STK3: variants seen among roughly 807,000 people sequenced by gnomAD.
STK3 encodes the protein serine/threonine kinase 3.
STK3 carries 41 observed loss-of-function variants against 58.0 expected under a neutral mutation model. That is an observed-to-expected ratio of 0.71 (90% CI 0.55 to 0.92). STK3 has a LOEUF of 0.92. Among genes scored for constraint, STK3 ranks in the 40% least tolerant of loss-of-function variants. The pLI is 0.00. For missense variants in STK3, 479 were observed against 602.7 expected, an observed-to-expected ratio of 0.79 and a Z score of 2.15; for synonymous variants, 170 against 191.0, an observed-to-expected ratio of 0.89 and a Z score of 0.91.
At chr8:98,544,842 C>T (rs999940472) in intron 9 of STK3, among the ~76,000 whole-genome samples, 19 of 152,120 alleles carry the variant, frequency 1.2e-4, no homozygotes, top group African/African-American at 4.1e-4. Flanking sequence ...CAGATACACA[C>T]ATGAAAAATA....
At chr8:98,771,115 C>T (rs1208007113) in intron 2 of STK3, among the ~76,000 whole-genome samples, 1 of 152,108 alleles carries the variant, frequency 6.6e-6, no homozygotes, top group Non-Finnish European at 1.5e-5. Flanking sequence ...GTATGTAGTT[C>T]CAAAATATAT....
chr8:98,414,891 C>T (rs570117626), intron 3 of STK3, among the ~76,000 whole-genome samples: 1 of 152,288 alleles, frequency 6.6e-6, no homozygotes, highest in South Asian at 2.1e-4. Context: ...GTGCCCAGTC[C>T]CTGAATCATC....
intron 1 of STK3, among the ~76,000 whole-genome samples, chr8:98,897,463 T>A (rs969057331): frequency 2.0e-5 from 3 of 151,522 alleles, no homozygotes; most frequent in East Asian, 4.1e-4. Flanking sequence ...CTCCGGAGGC[T>A]GAGGCAGGAG....
At chr8:98,377,884 TC>T (rs1408095230) in intron 2 of STK3, among the ~76,000 whole-genome samples, 8 of 152,218 alleles carry the variant, frequency 5.3e-5, no homozygotes, top group African/African-American at 1.7e-4. Flanking sequence ...GAAACGTGTT[TC>T]TTTAGCAGCT....
chr8:98,567,926 C>T (rs1249578257), intron 8 of STK3, among the ~76,000 whole-genome samples: 1 of 151,976 alleles, frequency 6.6e-6, no homozygotes, highest in Admixed American at 6.6e-5. Context: ...GGCATGGTGG[C>T]AGGCGCCTAT....
downstream of STK3, chr8:98,883,681 A>T (rs1414119533): frequency 2.8e-6 from 2 of 702,836 alleles, no homozygotes; most frequent in African/African-American, 3.5e-5. Context: ...TGTGTGCTCC[A>T]TTCTTTTTTC....
chr8:98,842,766 C>T (rs1022248323), intron 3 of STK3, among the ~76,000 whole-genome samples: 7 of 151,142 alleles, frequency 4.6e-5, no homozygotes, highest in Admixed American at 1.3e-4. Flanking sequence ...CTTGGTAGGC[C>T]GAGGCAGGTG....
chr8:98,872,686 T>A (rs1220073603), intron 3 of STK3, among the ~76,000 whole-genome samples: 1 of 152,334 alleles, frequency 6.6e-6, no homozygotes, highest in African/African-American at 2.4e-5. Context: ...GGTGGTGATA[T>A]CCTCTTTAAC....
chr8:98,914,492 A>ACTCTCT (rs201799011), intron 1 of STK3, among the ~76,000 whole-genome samples: 3 of 136,284 alleles, frequency 2.2e-5, no homozygotes, highest in Non-Finnish European at 5.0e-5. Flanking sequence ...ACACACACAC[A>ACTCTCT]CTCTCTCTCT....
chr8:98,567,958 T>C (rs1029419490), intron 8 of STK3, among the ~76,000 whole-genome samples: 1 of 151,974 alleles, frequency 6.6e-6, no homozygotes, highest in African/African-American at 2.4e-5. Flanking sequence ...CTCGGGAGAC[T>C]GAGGCAGGAA....
rs1339769577 is a variant in STK3, at chr8:98,428,607, C to A, written n.483+5520G>T. On this transcript the variant is annotated intron_variant and non_coding_transcript_variant, in intron 3 of 3. Coordinates refer to the STK3 transcript ENST00000517832. This position sits in a 1 kb window ranked among gnomAD's most constrained non-coding sequence, Gnocchi z 6.7. ...CATCACCATGTGCCTCAATAGCCTG[C>A]CCGATTTCCAAATCCCTGACAGCCA... 3 of 1,614,052 alleles carry A rather than the reference C, an allele frequency of 1.9e-6. No individual in the cohort carries two copies. Among genetic ancestry groups the A allele is most frequent in the Non-Finnish European group, 2.5e-6 (3 of 1,180,036 alleles).
At chr8:98,771,925 A>G (rs997336632) in intron 2 of STK3, among the ~76,000 whole-genome samples, 3 of 151,928 alleles carry the variant, frequency 2.0e-5, no homozygotes, top group Non-Finnish European at 2.9e-5. Flanking sequence ...TATCTCATTA[A>G]TTTCAGCTTT....
chr8:98,398,834 G>A (rs149958038), downstream of STK3, among the ~76,000 whole-genome samples: 2,888 of 152,276 alleles, frequency 0.019, 47 homozygotes, highest in Non-Finnish European at 0.025. Context: ...GAGATGCAGG[G>A]AGCTGGCCAA....
At chr8:98,780,546 T>A (rs1832021901) in intron 1 of STK3, among the ~76,000 whole-genome samples, 1 of 152,186 alleles carries the variant, frequency 6.6e-6, no homozygotes, top group Non-Finnish European at 1.5e-5. Context: ...TGACTTCACT[T>A]ATAAGCTTTT....
chr8:98,500,763 T>C (rs1020361737), intron 10 of STK3, among the ~76,000 whole-genome samples: 2 of 152,220 alleles, frequency 1.3e-5, no homozygotes, highest in African/African-American at 4.8e-5. Flanking sequence ...GGCTGCATAG[T>C]ATTCCATGGT....
At chr8:98,786,684 G>A (rs986268689) in intron 1 of STK3, among the ~76,000 whole-genome samples, 1 of 152,104 alleles carries the variant, frequency 6.6e-6, no homozygotes, top group Non-Finnish European at 1.5e-5. Flanking sequence ...TCATGATACA[G>A]AAAGAGAAAA....
At chr8:98,940,684 A>T (rs1375741122) in intron 1 of STK3, among the ~76,000 whole-genome samples, 1 of 152,140 alleles carries the variant, frequency 6.6e-6, no homozygotes, top group Non-Finnish European at 1.5e-5. Flanking sequence ...CGCCCGGACA[A>T]GGTCCCCGGC....
intron 10 of STK3, among the ~76,000 whole-genome samples, chr8:98,488,243 T>C (rs997221776): frequency 1.3e-5 from 2 of 152,202 alleles, no homozygotes; most frequent in African/African-American, 4.8e-5. Flanking sequence ...CCTGTGCTAA[T>C]AGAGCTGCTG....
chr8:98,620,790 C>A (rs1406918473), intron 6 of STK3, among the ~76,000 whole-genome samples: 1 of 151,904 alleles, frequency 6.6e-6, no homozygotes, highest in Admixed American at 6.6e-5. Flanking sequence ...AAACCTCTTC[C>A]AAAATGACAA....
Sources: gnomAD v4.1 joint callset for allele counts (sites outside exome capture counted in the v4.1 genomes callset) on GRCh38, gnomAD v4.1.1 for gene constraint, Gnocchi (gnomAD v3.1) non-coding constraint, MANE v1.5 for transcripts, NCBI Gene and HGNC (gene_info 2026-07-23, HGNC 2026-07-21) for gene names.